PTPRN2: variants seen among roughly 807,000 people sequenced by gnomAD.
PTPRN2 encodes receptor-type tyrosine-protein phosphatase N2.
A neutral mutation model predicts 118.8 loss-of-function variants in PTPRN2; 74 were observed. The ratio of observed to expected loss-of-function variants is 0.62; its 90% CI spans 0.52 to 0.76. The LOEUF is 0.76. PTPRN2 is among the 30% of genes least tolerant of loss of function. The pLI is 0.00. For synonymous variants in PTPRN2, 641 were observed against 608.0 expected (o/e 1.05, Z -0.80); for missense variants, 1,481 against 1,394.4 (o/e 1.06, Z -0.99).
intron 3 of PTPRN2, among the ~76,000 whole-genome samples, chr7:158,209,270 TA>T (rs906917692): frequency 2.0e-5 from 3 of 151,646 alleles, no homozygotes; most frequent in African/African-American, 7.3e-5. Flanking sequence ...TTGAATGGAT[TA>T]AAAAAAAGAC....
intron 12 of PTPRN2, among the ~76,000 whole-genome samples, chr7:157,707,871 G>A (rs1007774106): frequency 6.6e-6 from 1 of 152,238 alleles, no homozygotes; most frequent in Non-Finnish European, 1.5e-5. Context: ...TTACAGGCGT[G>A]AGCCACTGCG....
Position 157,987,633 on chromosome 7 carries a change from A to C in PTPRN2, c.1724-88896T>G, listed in dbSNP as rs1182119981. The stretch of plus-strand genomic sequence containing the variant: ...AGGAAGCGGCCTGCTGGTTTTGTTC[A>C]CACTGGGTGAACAGTTGGAATACAG... On this transcript the variant is annotated intron_variant, in intron 11 of 22. Transcript: ENST00000389418. This position sits in a 1 kb window ranked among gnomAD's most constrained non-coding sequence, Gnocchi z 4.3. Among the ~76,000 whole-genome samples, 1 of 152,098 alleles carries C rather than the reference A, an allele frequency of 6.6e-6. No homozygotes were observed. The highest frequency in any genetic ancestry group is 2.4e-5 in the African/African-American group (1 of 41,404).
At chr7:157,586,486 A>T (rs1014335263) in intron 17 of PTPRN2, among the ~76,000 whole-genome samples, 4 of 152,200 alleles carry the variant, frequency 2.6e-5, no homozygotes, top group Non-Finnish European at 4.4e-5. Context: ...AGACCACTTA[A>T]GGTAACCAAG....
intron 6 of PTPRN2, among the ~76,000 whole-genome samples, chr7:158,163,928 G>T (rs1822625623): frequency 6.6e-6 from 1 of 152,234 alleles, no homozygotes. Flanking sequence ...CCTGCATGGG[G>T]TTCTCAATTC....
Position 157,598,217 on chromosome 7 carries a change from G to C in PTPRN2, c.2419-2902C>G, listed in dbSNP as rs551638103. Among the ~76,000 whole-genome samples the C allele has an allele frequency of 4.1e-4, 62 of 152,296 alleles. No individual in the cohort carries two copies. The highest frequency in any genetic ancestry group is 1.4e-3 in the African/African-American group (57 of 41,550). ...TGTCTTCCCCACCCAGCGATCACAC[G>C]GCACCTACTCTGGCTTCCTCCGGTC... On this transcript the variant is annotated intron_variant, in intron 16 of 22. Coordinates refer to ENST00000389418, the MANE Select transcript of PTPRN2 (RefSeq NM_002847.5). The surrounding 1 kb of genome is among the most constrained non-coding windows in gnomAD (Gnocchi z 5.2).
intron 6 of PTPRN2, among the ~76,000 whole-genome samples, chr7:158,152,733 C>T (rs1016511633): frequency 6.6e-6 from 1 of 152,218 alleles, no homozygotes; most frequent in Non-Finnish European, 1.5e-5. Flanking sequence ...CTGGCAGGCA[C>T]ACACACAAGT....
At chr7:158,342,754 A>T (rs1807146032) in intron 2 of PTPRN2, among the ~76,000 whole-genome samples, 3 of 152,146 alleles carry the variant, frequency 2.0e-5, no homozygotes, top group Admixed American at 2.0e-4. Context: ...CCCATAGAGG[A>T]ATGGGCAGCG....
chr7:158,475,989 G>C (rs182184962), intron 2 of PTPRN2, among the ~76,000 whole-genome samples: 1 of 152,128 alleles, frequency 6.6e-6, no homozygotes, highest in Admixed American at 6.5e-5. Context: ...TACTTACTAC[G>C]ATTTGTGTTC....
At chr7:157,927,245 CGCGTCTTCTGGG>C (rs1799059351) in intron 11 of PTPRN2, among the ~76,000 whole-genome samples, 1 of 74,140 alleles carries the variant, frequency 1.3e-5, no homozygotes, top group Non-Finnish European at 2.6e-5. Flanking sequence ...GCAGAGGCCT[CGCGTCTTCTGGG>C]ACCCCAAAGA....
chr7:157,724,227 T>G (rs926400657), intron 12 of PTPRN2, among the ~76,000 whole-genome samples: 4 of 152,218 alleles, frequency 2.6e-5, no homozygotes, highest in African/African-American at 9.6e-5. Flanking sequence ...TACGTGACAT[T>G]TAGGCTACCC....
At chr7:158,263,903 G>A (rs551835598) in intron 3 of PTPRN2, among the ~76,000 whole-genome samples, 22 of 152,314 alleles carry the variant, frequency 1.4e-4, no homozygotes, top group South Asian at 8.3e-4. Flanking sequence ...TGCACCCAGC[G>A]GAGGTGGCTG....
chr7:158,471,060 G>T (rs1819815067), intron 2 of PTPRN2, among the ~76,000 whole-genome samples: 1 of 152,070 alleles, frequency 6.6e-6, no homozygotes, highest in Non-Finnish European at 1.5e-5. Context: ...GTGGAGACGG[G>T]GTTTCACCAT....
intron 9 of PTPRN2, among the ~76,000 whole-genome samples, chr7:158,117,062 A>G (rs1226617972): frequency 7.4e-6 from 1 of 134,704 alleles, no homozygotes; most frequent in Non-Finnish European, 1.6e-5. Context: ...ATTCAAAGGA[A>G]AAAGGTAAGT....
At chr7:158,558,687 C>A (rs1024513206) in intron 1 of PTPRN2, among the ~76,000 whole-genome samples, 1 of 147,322 alleles carries the variant, frequency 6.8e-6, no homozygotes, top group Non-Finnish European at 1.5e-5. Context: ...CAGAGAGGAG[C>A]AGGATTCTCC....
At chr7:157,578,916 A>G (rs771486649) in intron 17 of PTPRN2, among the ~76,000 whole-genome samples, 4 of 152,258 alleles carry the variant, frequency 2.6e-5, no homozygotes, top group Non-Finnish European at 5.9e-5. Context: ...ATATGAAATT[A>G]TAGAGTGAAG....
chr7:157,849,892 T>G (rs1453237613), intron 12 of PTPRN2, among the ~76,000 whole-genome samples: 1 of 152,216 alleles, frequency 6.6e-6, no homozygotes, highest in African/African-American at 2.4e-5. Flanking sequence ...GCACAGACCC[T>G]TCACCGCTGG....
chr7:158,193,470 G>C (rs1825940941), intron 4 of PTPRN2, among the ~76,000 whole-genome samples: 1 of 152,166 alleles, frequency 6.6e-6, no homozygotes, highest in Admixed American at 6.5e-5. Flanking sequence ...AGGCCCCGGA[G>C]AGACAGAGTC....
At chr7:158,342,151 AC>A in intron 2 of PTPRN2, among the ~76,000 whole-genome samples, 1 of 144,648 alleles carries the variant, frequency 6.9e-6, no homozygotes, top group South Asian at 2.3e-4. Flanking sequence ...CGCAGAGGTC[AC>A]TCACACCCAC....
At chr7:157,907,159 GC>G (rs1286490394) in intron 11 of PTPRN2, among the ~76,000 whole-genome samples, 3 of 152,232 alleles carry the variant, frequency 2.0e-5, no homozygotes, top group Non-Finnish European at 4.4e-5. Flanking sequence ...GGGTGTGGTG[GC>G]ATCTGGGGTA....
Sources: allele counts gnomAD v4.1 joint callset (sites outside exome capture counted in the v4.1 genomes callset), GRCh38; gene constraint gnomAD v4.1.1; non-coding constraint Gnocchi (gnomAD v3.1); transcripts MANE v1.5; gene names NCBI Gene and HGNC (gene_info 2026-07-23, HGNC 2026-07-21).